NDUFS7: variants seen among roughly 807,000 people sequenced by gnomAD.
NDUFS7 encodes the protein NADH dehydrogenase [ubiquinone] iron-sulfur protein 7, mitochondrial.
Under a neutral mutation model 31.1 loss-of-function variants are expected in NDUFS7, and 11 were observed. The observed-to-expected ratio is 0.35, with a 90% CI of 0.22 to 0.59. The LOEUF is 0.59. Among genes scored for constraint, NDUFS7 ranks in the 20% least tolerant of loss-of-function variants. The pLI, the probability that NDUFS7 is intolerant of heterozygous loss-of-function variation, is 0.79. For synonymous variants in NDUFS7, 136 were observed against 127.9 expected (o/e 1.06, Z -0.43); for missense variants, 263 against 324.2 (o/e 0.81, Z 1.45).
intron 1 of NDUFS7, among the ~76,000 whole-genome samples, chr19:1,385,496 A>G (rs1169308307): frequency 6.6e-6 from 1 of 150,460 alleles, no homozygotes; most frequent in African/African-American, 2.5e-5. Context: ...CTGGGCAACA[A>G]GAGTGAAACT....
At chr19:1,387,406 A>ACTG (rs2082514521) in intron 1 of NDUFS7, among the ~76,000 whole-genome samples, 1 of 152,148 alleles carries the variant, frequency 6.6e-6, no homozygotes, top group Admixed American at 6.5e-5. Flanking sequence ...GGGTATCTGA[A>ACTG]CTGAAACCTG....
intron 6 of NDUFS7, among the ~76,000 whole-genome samples, chr19:1,391,568 C>T (rs1222697119): frequency 6.7e-6 from 1 of 150,208 alleles, no homozygotes; most frequent in Non-Finnish European, 1.5e-5. Context: ...CTCACTGCAA[C>T]CTCCGCCTCC....
chr19:1,385,286 G>A (rs2041610387), intron 1 of NDUFS7, among the ~76,000 whole-genome samples: 1 of 152,186 alleles, frequency 6.6e-6, no homozygotes, highest in African/African-American at 2.4e-5. Context: ...AGGCCAAGGT[G>A]GGCGGATCAC....
rs1251358130 is a variant in NDUFS7, at chr19:1,391,099, G to C, written c.409-20G>C. The C allele has an allele frequency of 6.2e-7, 1 of 1,609,144 alleles. No homozygotes were observed. Among genetic ancestry groups the C allele is most frequent in the African/African-American group, 1.3e-5 (1 of 74,734 alleles). Reference sequence around the variant, plus strand: ...GCCGCCCCCAGAGTGAGCTGCGCACGGACCCCGCCTCTCTTCCAGGTCTAC... The same window carrying C: ...GCCGCCCCCAGAGTGAGCTGCGCACCGACCCCGCCTCTCTTCCAGGTCTAC... On this transcript the variant is annotated intron_variant, in intron 5 of 7. Coordinates refer to ENST00000233627, the MANE Select transcript of NDUFS7 (RefSeq NM_024407.5).
chr19:1,395,512 C>T lies in NDUFS7; in HGVS notation c.*24C>T. On this transcript the variant is annotated 3_prime_UTR_variant, in exon 8 of 8. Transcript: ENST00000233627. ...AGCGCCGCCGCCGCCGCCGCCGGAG[C>T]CTGTCGCCGTCCTGTCCCCAGCCTG... 1 of 1,557,006 alleles carries T rather than the reference C, an allele frequency of 6.4e-7. No individual in the cohort carries two copies. Among genetic ancestry groups the T allele is most frequent in the South Asian group, 1.2e-5 (1 of 84,540 alleles).
chr19:1,385,304 C>T (rs1352030844), intron 1 of NDUFS7, among the ~76,000 whole-genome samples: 4 of 152,064 alleles, frequency 2.6e-5, no homozygotes, highest in Admixed American at 1.3e-4. Flanking sequence ...CACCTGAGGT[C>T]CGGAGTTCGA....
intron 5 of NDUFS7, 21 bp downstream of exon 5, chr19:1,391,071 C>T: frequency 6.2e-7 from 1 of 1,612,406 alleles, no homozygotes; most frequent in African/African-American, 1.3e-5. Flanking sequence ...TCCCAGCCGC[C>T]CAGCCGCCCC....
chr19:1,387,716 G>A, intron 1 of NDUFS7, 95 bp from the exon 2 acceptor site: 1 of 1,139,142 alleles, frequency 8.8e-7, no homozygotes, highest in Non-Finnish European at 1.3e-6. Flanking sequence ...TCAGAGCTAG[G>A]CTGTGCGGGC....
At chr19:1,388,440 G>A in intron 2 of NDUFS7, 85 bp from the exon 3 acceptor site, 2 of 1,239,962 alleles carry the variant, frequency 1.6e-6, no homozygotes, top group Non-Finnish European at 1.2e-6. Context: ...CAGCAGGGAG[G>A]GGAGAGGCAG....
At chr19:1,389,010 A>G (rs754101592) in intron 4 of NDUFS7, 72 bp downstream of exon 4, 28 of 1,273,482 alleles carry the variant, frequency 2.2e-5, no homozygotes, top group Non-Finnish European at 7.8e-6. Flanking sequence ...ACACACATAC[A>G]CACACCAACG....
chr19:1,389,268 C>T (rs1026664563), intron 4 of NDUFS7: 6 of 622,924 alleles, frequency 9.6e-6, no homozygotes, highest in Middle Eastern at 2.9e-4. Flanking sequence ...TATACACATG[C>T]ACACGCACAC....
At chr19:1,387,919 G>A in intron 2 of NDUFS7, 72 bp downstream of exon 2, 1 of 315,996 alleles carries the variant, frequency 3.2e-6, no homozygotes. Context: ...GGCGGGGGGG[G>A]TGGGGGGTGG....
At position 1,390,866 on chromosome 19, in the gene NDUFS7, C is replaced by A; in HGVS notation, c.229-5C>A. 6.2e-7 allele frequency: 1 copy of A among 1,606,970 alleles called. No individual in the cohort carries two copies. Among genetic ancestry groups the A allele is most frequent in the East Asian group, 2.2e-5 (1 of 44,854 alleles). On this transcript the variant is annotated splice_polypyrimidine_tract_variant and splice_region_variant and intron_variant, in intron 4 of 7. Transcript: ENST00000233627. Reference sequence around the variant, plus strand: ...TGGCGTCTGACCCGAGCCCGGCCTCCGCAGAGTTCTCTGTGGCCCATGACC... The same window carrying A: ...TGGCGTCTGACCCGAGCCCGGCCTCAGCAGAGTTCTCTGTGGCCCATGACC...
In NDUFS7 at chr19:1,389,142, T is replaced by C. The variant is rs540644305; in HGVS notation, c.228+204T>C. On this transcript the variant is annotated intron_variant, in intron 4 of 7. Transcript: ENST00000233627. Reference sequence around the variant, plus strand: ...CGCACACTCACGCACACAATGCACATATGCACACTCGCACACATGCACACT... The same window carrying C: ...CGCACACTCACGCACACAATGCACACATGCACACTCGCACACATGCACACT... The C allele has an allele frequency of 1.4e-5, 10 of 703,054 alleles. 1 individual carries two copies. Among genetic ancestry groups the C allele is most frequent in the South Asian group, 1.2e-4 (8 of 66,780 alleles). The allele number at this position is 703,054 out of a possible 1,614,324, so 43.6% of individuals were successfully genotyped here.
intron 1 of NDUFS7, chr19:1,386,805 TCCCTTTAAAGA>T (rs1327885522): frequency 1.3e-5 from 2 of 152,226 alleles, no homozygotes; most frequent in Non-Finnish European, 2.9e-5. Flanking sequence ...GCATTAATGA[TCCCTTTAAAGA>T]CCCCATCTCC....
chr19:1,391,205 G>A (rs1271104791), intron 6 of NDUFS7, 40 bp downstream of exon 6: 56 of 1,602,666 alleles, frequency 3.5e-5, no homozygotes, highest in Middle Eastern at 1.9e-4. Context: ...CAGACGTAGC[G>A]TGAGTGCTGG....
rs1179493180 is a variant in NDUFS7 at position 1,387,919 on chromosome 19, GTGGGGGGTGGGGGGA to G, written c.53+73_53+87del. The G allele has an allele frequency of 4.7e-5, 15 of 316,642 alleles. 4 individuals are homozygous for G. Among genetic ancestry groups the G allele is most frequent in the East Asian group, 2.8e-4 (3 of 10,586 alleles). 19.6% of individuals were successfully genotyped at this position (316,642 alleles called of 1,614,324 possible). A position where few individuals can be genotyped will look rare whatever the true frequency, so the allele number is the denominator to read the frequency against. On this transcript the variant is annotated intron_variant, in intron 2 of 7. Coordinates refer to ENST00000233627, the MANE Select transcript of NDUFS7 (RefSeq NM_024407.5). ...GCGACAGACGAACGGGGCGGGGGGG[GTGGGGGGTGGGGGGA>G]GCGCCTTGTTGAAGGTCACGTGTCA...
At chr19:1,394,240 A>G in intron 7 of NDUFS7, 2 of 600,908 alleles carry the variant, frequency 3.3e-6, no homozygotes, top group African/African-American at 1.9e-5. Flanking sequence ...AGCGTTCTGC[A>G]CGGTTCAGGT....
rs1008195127 is a variant in NDUFS7, at chr19:1,395,509, G to A, written c.*21G>A. The stretch of plus-strand genomic sequence containing the variant: ...GGTAGCGCCGCCGCCGCCGCCGCCG[G>A]AGCCTGTCGCCGTCCTGTCCCCAGC... On this transcript the variant is annotated 3_prime_UTR_variant, in exon 8 of 8. Coordinates refer to ENST00000233627, the MANE Select transcript of NDUFS7 (RefSeq NM_024407.5). 1.9e-6 allele frequency: 3 copies of A among 1,556,262 alleles called. No homozygotes were observed. The highest frequency in any genetic ancestry group is 1.2e-5 in the South Asian group (1 of 84,634).
Sources: allele counts gnomAD v4.1 joint callset (sites outside exome capture counted in the v4.1 genomes callset), GRCh38; gene constraint gnomAD v4.1.1; transcripts MANE v1.5; gene names NCBI Gene and HGNC (gene_info 2026-07-23, HGNC 2026-07-21).